Variants in SCFD2 observed in about 807,000 individuals in gnomAD.
SCFD2 encodes the protein sec1 family domain containing 2.
A neutral mutation model predicts 58.9 loss-of-function variants in SCFD2; 54 were observed. That is an observed-to-expected ratio of 0.92 (90% CI 0.74 to 1.15). The LOEUF (loss-of-function observed/expected upper bound fraction) is 1.15, where lower values mean the gene tolerates loss of function less well. SCFD2 is among the 50% of genes most tolerant of loss of function. The pLI is 0.00. For missense variants in SCFD2, 805 were observed against 836.6 expected (o/e 0.96, Z 0.47); for synonymous variants, 321 against 335.9 (o/e 0.96, Z 0.49).
chr4:52,916,646 A>G (rs1172460641), intron 6 of SCFD2, among the ~76,000 whole-genome samples: 1 of 152,196 alleles, frequency 6.6e-6, no homozygotes, highest in Non-Finnish European at 1.5e-5. Flanking sequence ...TTTCCAGTCA[A>G]CAGAAGCGAG....
chr4:53,035,921 T>C (rs902583177), intron 5 of SCFD2, among the ~76,000 whole-genome samples: 1 of 152,186 alleles, frequency 6.6e-6, no homozygotes, highest in African/African-American at 2.4e-5. Flanking sequence ...AGTGTGGCGA[T>C]TCCTCAAGGA....
intron 5 of SCFD2, among the ~76,000 whole-genome samples, chr4:52,963,853 C>T (rs1310366078): frequency 6.6e-6 from 1 of 152,098 alleles, no homozygotes; most frequent in Non-Finnish European, 1.5e-5. Context: ...ATAAGTTGGA[C>T]AAGAAGCAAT....
chr4:52,976,634 C>T (rs1560499573), intron 5 of SCFD2, among the ~76,000 whole-genome samples: 1 of 152,246 alleles, frequency 6.6e-6, no homozygotes, highest in African/African-American at 2.4e-5. Flanking sequence ...ACTGAAGGAG[C>T]GGATGTTCCC....
chr4:53,358,911 C>A (rs1734473814), intron 1 of SCFD2, among the ~76,000 whole-genome samples: 1 of 152,272 alleles, frequency 6.6e-6, no homozygotes, highest in East Asian at 1.9e-4. Context: ...AAGAGATGGG[C>A]ATCAGTGGCC....
chr4:53,249,434 C>A (rs1373710765), intron 4 of SCFD2, among the ~76,000 whole-genome samples: 1 of 152,150 alleles, frequency 6.6e-6, no homozygotes, highest in Admixed American at 6.5e-5. Flanking sequence ...GGCCAACGTT[C>A]AGATTCAGAA....
intron 5 of SCFD2, among the ~76,000 whole-genome samples, chr4:53,137,130 C>T (rs1560351945): frequency 1.3e-5 from 2 of 152,196 alleles, no homozygotes; most frequent in African/African-American, 4.8e-5. Flanking sequence ...AATATACACC[C>T]AGTTACAATA....
chr4:53,090,809 A>C (rs1307857962), intron 5 of SCFD2, among the ~76,000 whole-genome samples: 1 of 152,140 alleles, frequency 6.6e-6, no homozygotes, highest in East Asian at 1.9e-4. Flanking sequence ...TTGTGTTCAG[A>C]GCTTCATATA....
chr4:53,359,622 G>C (rs1001999993), intron 1 of SCFD2, among the ~76,000 whole-genome samples: 3 of 151,566 alleles, frequency 2.0e-5, no homozygotes, highest in African/African-American at 7.2e-5. Context: ...TCTTTTTTTT[G>C]CTTCAGCTGT....
chr4:53,192,209 T>G (rs1208591506), intron 4 of SCFD2, among the ~76,000 whole-genome samples: 1 of 152,138 alleles, frequency 6.6e-6, no homozygotes, highest in Non-Finnish European at 1.5e-5. Context: ...GTTTTCAGGT[T>G]CACCACTGTC....
At chr4:53,215,101 T>C (rs1158750259) in intron 4 of SCFD2, among the ~76,000 whole-genome samples, 6 of 152,134 alleles carry the variant, frequency 3.9e-5, no homozygotes, top group Non-Finnish European at 7.3e-5. Flanking sequence ...CCTCAAGCTT[T>C]ATTCTTTTGG....
At chr4:53,121,645 C>T (rs1291623449) in intron 5 of SCFD2, among the ~76,000 whole-genome samples, 1 of 152,100 alleles carries the variant, frequency 6.6e-6, no homozygotes, top group Non-Finnish European at 1.5e-5. Flanking sequence ...CTGGCAGAGC[C>T]AACTGAATGC....
chr4:53,152,762 C>T (rs187701774), intron 4 of SCFD2, among the ~76,000 whole-genome samples: 4 of 152,118 alleles, frequency 2.6e-5, no homozygotes, highest in Non-Finnish European at 5.9e-5. Context: ...TCAAATAAAG[C>T]TATTTACTTC....
At chr4:53,207,495 ATATATAT>A (rs756951858) in intron 4 of SCFD2, among the ~76,000 whole-genome samples, 1 of 11,626 alleles carries the variant, frequency 8.6e-5, no homozygotes, top group African/African-American at 4.3e-4. Flanking sequence ...TATATATTTC[ATATATAT>A]ATATTATATA....
chr4:53,219,980 T>C (rs1374262628), intron 4 of SCFD2, among the ~76,000 whole-genome samples: 2 of 152,086 alleles, frequency 1.3e-5, no homozygotes, highest in African/African-American at 2.4e-5. Flanking sequence ...TGCTGGGGTG[T>C]AAGCATTGGG....
chr4:52,882,389 T>G (rs1718638276), intron 8 of SCFD2, among the ~76,000 whole-genome samples: 1 of 152,172 alleles, frequency 6.6e-6, no homozygotes, highest in African/African-American at 2.4e-5. Context: ...GAGGAGATAT[T>G]AGAACCAAGA....
chr4:53,085,126 A>G (rs1453637337), intron 5 of SCFD2, among the ~76,000 whole-genome samples: 1 of 152,246 alleles, frequency 6.6e-6, no homozygotes, highest in Non-Finnish European at 1.5e-5. Context: ...ATAATCTTAT[A>G]TTTGGAAAAA....
At chr4:53,044,489 A>ACTTCCTTCCTTCCTTCCTTCCTTCCTTC (rs536906756) in intron 5 of SCFD2, among the ~76,000 whole-genome samples, 279 of 146,016 alleles carry the variant, frequency 1.9e-3, no homozygotes, top group African/African-American at 6.8e-3. Flanking sequence ...CTTTACAGGA[A>ACTTCCTTCCTTCCTTCCTTCCTTCCTTC]CTTCCTTCCT....
At chr4:53,205,871 A>AT (rs1355907452) in intron 4 of SCFD2, among the ~76,000 whole-genome samples, 2 of 152,098 alleles carry the variant, frequency 1.3e-5, no homozygotes, top group African/African-American at 4.8e-5. Context: ...AAAAAAAAAA[A>AT]AGATGGGCAA....
At chr4:53,233,004 G>A (rs191096805) in intron 4 of SCFD2, among the ~76,000 whole-genome samples, 6 of 152,242 alleles carry the variant, frequency 3.9e-5, no homozygotes, top group African/African-American at 1.4e-4. Context: ...CTAACCTCTA[G>A]CACTCTCGGA....
Sources: allele counts gnomAD v4.1 joint callset (sites outside exome capture counted in the v4.1 genomes callset), GRCh38; gene constraint gnomAD v4.1.1; transcripts MANE v1.5; gene names NCBI Gene and HGNC (gene_info 2026-07-23, HGNC 2026-07-21).